CLTCL1: variants seen among roughly 807,000 people sequenced by gnomAD.
CLTCL1 encodes the protein clathrin heavy chain like 1.
In CLTCL1, 159 loss-of-function variants were observed where a neutral mutation model predicts 190.0. The ratio of observed to expected loss-of-function variants is 0.84; its 90% confidence interval spans 0.74 to 0.95. CLTCL1 has a LOEUF of 0.95. Among genes scored for constraint, CLTCL1 ranks in the 40% least tolerant of loss-of-function variants. The probability of loss-of-function intolerance (pLI) is 0.00; values close to 1 mark genes in which losing one functional copy is unlikely to be tolerated. For missense variants in CLTCL1, 1,878 were observed against 2,033.4 expected, an observed-to-expected ratio of 0.92 and a Z score of 1.47; for synonymous variants, 752 against 769.6, an observed-to-expected ratio of 0.98 and a Z score of 0.38.
At chr22:19,187,918 G>T in intron 28 of CLTCL1, 63 bp downstream of exon 28, 1 of 1,514,406 alleles carries the variant, frequency 6.6e-7, no homozygotes, top group Admixed American at 1.7e-5. Context: ...TTTGAGAACA[G>T]AATGGCAGTT....
At chr22:19,257,106 A>G (rs782120940) in intron 2 of CLTCL1, among the ~76,000 whole-genome samples, 12 of 152,236 alleles carry the variant, frequency 7.9e-5, no homozygotes, top group Non-Finnish European at 1.5e-4. Flanking sequence ...TAAAATGTAT[A>G]TGGAACCTCA....
intron 2 of CLTCL1, among the ~76,000 whole-genome samples, chr22:19,263,640 T>C (rs1219802911): frequency 6.6e-6 from 1 of 152,094 alleles, no homozygotes; most frequent in African/African-American, 2.4e-5. Flanking sequence ...AGGATGGTCT[T>C]GATCTCCTGA....
At chr22:19,275,903 G>T in intron 1 of CLTCL1, 73 bp from the exon 2 acceptor site, 1 of 1,298,078 alleles carries the variant, frequency 7.7e-7, no homozygotes. Context: ...AGGCAAAAGA[G>T]GAGAAGTTAA....
chr22:19,273,496 A>T (rs2087391138), intron 2 of CLTCL1, among the ~76,000 whole-genome samples: 1 of 152,140 alleles, frequency 6.6e-6, no homozygotes, highest in Non-Finnish European at 1.5e-5. Flanking sequence ...TGCTCTCCTG[A>T]TGGACATAAA....
At chr22:19,258,112 G>A in intron 2 of CLTCL1, 2 of 406,580 alleles carry the variant, frequency 4.9e-6, no homozygotes, top group Non-Finnish European at 9.6e-6. Flanking sequence ...TCACTGGGCT[G>A]TAGATGAAGA....
Position 19,201,384 on chromosome 22 carries a change from T to TACTTGGTTC in CLTCL1, c.3709_3710insGAACCAAGT (p.Glu1236_Tyr1237insTer). 6.2e-7 allele frequency: 1 copy of TACTTGGTTC among 1,613,756 alleles called. No homozygotes were observed. Among genetic ancestry groups the TACTTGGTTC allele is most frequent in the African/African-American group, 1.3e-5 (1 of 75,060 alleles). On this transcript the variant is annotated stop_gained, in exon 23 of 33. Transcript: ENST00000427926. LOFTEE classifies it high-confidence loss of function. ...GCGGCTGTTGTCCACTGCTGCCTGA[T>TACTTGGTTC]ACTCACCGAGGTGAACCAAGGTGGA...
At chr22:19,224,337 C>T (rs186127410) in intron 13 of CLTCL1, among the ~76,000 whole-genome samples, 54 of 152,120 alleles carry the variant, frequency 3.5e-4, no homozygotes, top group Admixed American at 2.7e-3. Context: ...CCTAGATAGT[C>T]GTCATCAAGA....
intron 18 of CLTCL1, among the ~76,000 whole-genome samples, chr22:19,218,198 G>T (rs564256792): frequency 5.3e-4 from 81 of 152,324 alleles, no homozygotes; most frequent in African/African-American, 1.9e-3. Flanking sequence ...GCTGGCTCCG[G>T]TATGGTGCAG....
intron 9 of CLTCL1, 101 bp downstream of exon 9, chr22:19,233,065 A>T (rs1346435507): frequency 2.4e-6 from 3 of 1,270,560 alleles, no homozygotes; most frequent in Non-Finnish European, 3.3e-6. Flanking sequence ...CTCTCACACC[A>T]GAGGACTTAC....
chr22:19,211,783 A>C (rs1351179269), intron 19 of CLTCL1, among the ~76,000 whole-genome samples: 12 of 149,074 alleles, frequency 8.0e-5, no homozygotes, highest in Non-Finnish European at 1.6e-4. Flanking sequence ...AAAAAAAAAA[A>C]CAAAAACAAA....
intron 28 of CLTCL1, 81 bp from the exon 29 acceptor site, chr22:19,187,809 ATGGC>A (rs2084362983): frequency 6.8e-7 from 1 of 1,474,736 alleles, no homozygotes; most frequent in Non-Finnish European, 9.4e-7. Flanking sequence ...GTGTTACTTG[ATGGC>A]TGTTGCTATC....
Position 19,275,825 on chromosome 22 carries a change from T to C in CLTCL1, c.48A>G (p.Gln16=). 6.3e-7 allele frequency: 1 copy of C among 1,592,518 alleles called. No homozygotes were observed. Among genetic ancestry groups the C allele is most frequent in the Middle Eastern group, 1.7e-4 (1 of 5,906 alleles). ...PVRFQEHFQL[Q]NLGINPANIG... ...TGTTAGCTGGATTAATTCCAAGGTTTTGGAGCTAAACAGAAAAAAAGCATT... is the reference window on the plus strand; with the variant it reads ...TGTTAGCTGGATTAATTCCAAGGTTCTGGAGCTAAACAGAAAAAAAGCATT... Residue 16 remains glutamine (Q), a synonymous_variant, in exon 2 of 33, where the codon CAA becomes CAG. Transcript: ENST00000427926.
chr22:19,209,310 T>C, intron 20 of CLTCL1, 196 bp from the exon 21 acceptor site: 2 of 500,578 alleles, frequency 4.0e-6, no homozygotes, highest in African/African-American at 1.9e-5. Flanking sequence ...AGAAGGGGGA[T>C]GCCGAACAAA....
chr22:19,199,726 C>G lies in CLTCL1; in HGVS notation c.3873+8G>C. 4 of 1,570,536 alleles carry G rather than the reference C, an allele frequency of 2.5e-6. No homozygotes were observed. Among genetic ancestry groups the G allele is most frequent in the Non-Finnish European group, 2.6e-6 (3 of 1,156,510 alleles). On this transcript the variant is annotated splice_region_variant and intron_variant, in intron 24 of 32. Coordinates refer to ENST00000427926, the MANE Select transcript of CLTCL1 (RefSeq NM_007098.4). ...CATCTGCATTACCAGCAGAGATCAT[C>G]TGGTCACCTGGTAATAGCACATCAG...
At chr22:19,285,786 T>A (rs1300706406) in intron 1 of CLTCL1, among the ~76,000 whole-genome samples, 2 of 152,022 alleles carry the variant, frequency 1.3e-5, no homozygotes, top group Non-Finnish European at 2.9e-5. Flanking sequence ...GATTCCCCCT[T>A]AGAGAAGGGG....
chr22:19,288,103 G>A (rs543605519), intron 1 of CLTCL1, among the ~76,000 whole-genome samples: 6 of 152,236 alleles, frequency 3.9e-5, no homozygotes, highest in South Asian at 2.1e-4. Context: ...GCATATCCAC[G>A]CTGTAGACAT....
chr22:19,214,164 T>C lies in CLTCL1; in HGVS notation c.3065+1947A>G, dbSNP rs538505174. On this transcript the variant is annotated intron_variant, in intron 19 of 32. Coordinates refer to ENST00000427926, the MANE Select transcript of CLTCL1 (RefSeq NM_007098.4). Reference sequence around the variant, plus strand: ...ATAAGGAAGAGAGGAAATTGCTGGCTGTGTGCATCTTTTTTCACCAAACTG... The same window carrying C: ...ATAAGGAAGAGAGGAAATTGCTGGCCGTGTGCATCTTTTTTCACCAAACTG... Among the ~76,000 whole-genome samples, 6 of 152,326 alleles carry C rather than the reference T, an allele frequency of 3.9e-5. No individual in the cohort carries two copies. In the South Asian group the frequency reaches 1.0e-3, roughly 26 times the overall value.
intron 15 of CLTCL1, 68 bp downstream of exon 15, chr22:19,222,616 T>G: frequency 6.5e-7 from 1 of 1,540,114 alleles, no homozygotes; most frequent in Non-Finnish European, 8.8e-7. Context: ...AGGCAGCCTC[T>G]GAGGGGAAGA....
At chr22:19,212,663 G>C (rs1037689171) in intron 19 of CLTCL1, among the ~76,000 whole-genome samples, 1 of 149,634 alleles carries the variant, frequency 6.7e-6, no homozygotes, top group Admixed American at 6.7e-5. Context: ...AAGAAAGAAA[G>C]AAAAGAAAGA....
Sources: gnomAD v4.1 joint callset for allele counts (sites outside exome capture counted in the v4.1 genomes callset) on GRCh38, gnomAD v4.1.1 for gene constraint, MANE v1.5 for transcripts, NCBI Gene and HGNC (gene_info 2026-07-23, HGNC 2026-07-21) for gene names.